Variants in IMPDH2 observed in about 807,000 individuals in gnomAD.
IMPDH2 encodes inosine monophosphate dehydrogenase 2, also known as inosine-5'-monophosphate dehydrogenase 2.
In IMPDH2, 33 loss-of-function variants were observed where a neutral mutation model predicts 57.8. The observed-to-expected ratio is 0.57, with a 90% confidence interval of 0.43 to 0.76. The LOEUF (loss-of-function observed/expected upper bound fraction) is 0.76. Among genes scored for constraint, IMPDH2 ranks in the 30% least tolerant of loss-of-function variants. IMPDH2 has a pLI of 0.00. For missense variants in IMPDH2, 446 were observed against 659.1 expected (o/e 0.68, Z 3.54); for synonymous variants, 270 against 241.3 (o/e 1.12, Z -1.10).
At chr3:49,025,546 C>T (rs1559915455) in intron 9 of IMPDH2, 8 of 458,208 alleles carry the variant, frequency 1.7e-5, no homozygotes, top group Admixed American at 1.0e-4. Context: ...GGAAAGCCCC[C>T]GTCCAGCTGG....
chr3:49,027,430 GACAACACAGGA>G (rs2093204293), intron 5 of IMPDH2, among the ~76,000 whole-genome samples: 1 of 152,172 alleles, frequency 6.6e-6, no homozygotes, highest in Non-Finnish European at 1.5e-5. Context: ...GAATAAGGAG[GACAACACAGGA>G]ACAATGGCAA....
Position 49,026,966 on chromosome 3 carries a change from T to G in IMPDH2, c.613A>C (p.Lys205Gln). The change falls in exon 6 of 14, where the codon AAG becomes CAG. Residue 205 changes from lysine (K) to glutamine (Q), a missense_variant. Coordinates refer to ENST00000326739, the MANE Select transcript of IMPDH2 (RefSeq NM_000884.3). ...TCCCAGCTCTAGGACTTACCCTTCT[T>G]GCTGCGCTGCAGAATTTCATTTGCC... ...KEANEILQRS[K>Q]KGKLPIVNED... The G allele has an allele frequency of 6.2e-7, 1 of 1,614,040 alleles. No individual in the cohort carries two copies. Among genetic ancestry groups the G allele is most frequent in the Non-Finnish European group, 8.5e-7 (1 of 1,179,912 alleles).
At chr3:49,028,612 C>G in intron 2 of IMPDH2, 80 bp from the exon 3 acceptor site, 1 of 1,340,708 alleles carries the variant, frequency 7.5e-7, no homozygotes, top group Non-Finnish European at 1.1e-6. Context: ...CAAAAAGGCA[C>G]TTTTGTATGA....
At position 49,026,332 on chromosome 3, in the gene IMPDH2, G is replaced by A. The variant is rs1489042065; in HGVS notation, c.998C>T (p.Thr333Met). 18 of 1,607,324 alleles carry A rather than the reference G, an allele frequency of 1.1e-5. No individual in the cohort carries two copies. Among genetic ancestry groups the A allele is most frequent in the African/African-American group, 2.7e-5 (2 of 74,800 alleles). Residue 333 changes from threonine (T) to methionine (M), a missense_variant, in exon 9 of 14, where the codon ACG becomes ATG. Physicochemically the swap from Thr to Met is moderately conservative, Grantham distance 81. Coordinates refer to ENST00000326739, the MANE Select transcript of IMPDH2 (RefSeq NM_000884.3). ...VGMGSGSICI[T>M]QEVLACGRPQ... is the part of the protein sequence containing the mutation. Reference sequence around the variant, plus strand: ...TCAAAGTATATTCTTACCTTCCTGCGTAATGCAGATGGAGCCACTTCCCAT... The same window carrying A: ...TCAAAGTATATTCTTACCTTCCTGCATAATGCAGATGGAGCCACTTCCCAT...
At position 49,026,331 on chromosome 3, in the gene IMPDH2, C is replaced by T. The variant is rs72624913; in HGVS notation, c.999G>A (p.Thr333=). Residue 333 remains threonine, a synonymous_variant, in exon 9 of 14, where the codon ACG becomes ACA. Coordinates refer to ENST00000326739, the MANE Select transcript of IMPDH2 (RefSeq NM_000884.3). Reference sequence around the variant, plus strand: ...ATCAAAGTATATTCTTACCTTCCTGCGTAATGCAGATGGAGCCACTTCCCA... The same window carrying T: ...ATCAAAGTATATTCTTACCTTCCTGTGTAATGCAGATGGAGCCACTTCCCA... The part of the protein sequence containing the change: ...VGMGSGSICI[T]QEVLACGRPQ... 44 of 1,606,504 alleles carry T rather than the reference C, an allele frequency of 2.7e-5. No individual in the cohort carries two copies. The highest frequency in any genetic ancestry group is 1.5e-4 in the African/African-American group (11 of 74,922).
rs769630682 is a variant in IMPDH2 at position 49,028,329 on chromosome 3, G to C, written c.250-7C>G. 2 of 1,613,446 alleles carry C rather than the reference G, an allele frequency of 1.2e-6. No homozygotes were observed. Among genetic ancestry groups the C allele is most frequent in the Non-Finnish European group, 1.7e-6 (2 of 1,179,484 alleles). On this transcript the variant is annotated splice_region_variant and splice_polypyrimidine_tract_variant and intron_variant, in intron 3 of 13. Transcript: ENST00000326739. ...AGCCAATACCGCCTGTAAGCTACAG[G>C]ATAAAAAGAGACTACTACTAAGTGA...
rs745780032 is a variant in IMPDH2, at chr3:49,028,557, G to A, written c.148-25C>T. ...CCTGAGGAGACAAACGTCAACCAGTGTGGGAAAGCATCCCTTACACCTCAA... is the reference window on the plus strand; with the variant it reads ...CCTGAGGAGACAAACGTCAACCAGTATGGGAAAGCATCCCTTACACCTCAA... On this transcript the variant is annotated intron_variant, in intron 2 of 13. Transcript: ENST00000326739. 7.6e-6 allele frequency: 12 copies of A among 1,579,272 alleles called. No individual in the cohort carries two copies. In the East Asian group the frequency reaches 1.1e-4, roughly 15 times the overall value.
Position 49,026,976 on chromosome 3 carries a change from C to T in IMPDH2, c.603G>A (p.Leu201=). The T allele has an allele frequency of 6.2e-7, 1 of 1,614,156 alleles. No homozygotes were observed. The highest frequency in any genetic ancestry group is 8.5e-7 in the Non-Finnish European group (1 of 1,179,978). ...GITLKEANEI[L]QRSKKGKLPI... is the part of the protein sequence containing the mutation. ...AGGACTTACCCTTCTTGCTGCGCTG[C>T]AGAATTTCATTTGCCTCCTTCAGTG... is the stretch of plus-strand genomic sequence containing the variant. The change falls in exon 6 of 14, where the codon CTG becomes CTA. Residue 201 remains leucine (L), a synonymous_variant. Coordinates refer to ENST00000326739, the MANE Select transcript of IMPDH2 (RefSeq NM_000884.3).
chr3:49,028,995 A>C, intron 1 of IMPDH2, 189 bp from the exon 2 acceptor site: 1 of 656,200 alleles, frequency 1.5e-6, no homozygotes, highest in Admixed American at 2.2e-5. Context: ...AGCTGTCATC[A>C]GTGCTCCTGG....
chr3:49,026,248 A>AT, intron 9 of IMPDH2, 76 bp downstream of exon 9: 1 of 1,124,376 alleles, frequency 8.9e-7, no homozygotes, highest in Admixed American at 2.0e-5. Flanking sequence ...TATTGTCCCC[A>AT]TAAGAGTGCT....
intron 10 of IMPDH2, 31 bp from the exon 11 acceptor site, chr3:49,025,071 C>T: frequency 6.2e-7 from 1 of 1,614,188 alleles, no homozygotes; most frequent in Admixed American, 1.7e-5. Context: ...TGGGTTAGAG[C>T]CTAAGCAGCA....
At chr3:49,026,287 T>G in intron 9 of IMPDH2, 37 bp downstream of exon 9, 1 of 1,422,158 alleles carries the variant, frequency 7.0e-7, no homozygotes, top group Non-Finnish European at 9.8e-7. Context: ...GGCCTGAAAC[T>G]GGGGTCTCTG....
chr3:49,025,051 A>G lies in IMPDH2; in HGVS notation c.1151-11T>C, dbSNP rs777645255. Reference sequence around the variant, plus strand: ...GAGAGCCCATCATGACTGCGGACAGATGGAGTGCTTGGGTTAGAGCCTAAG... The same window carrying G: ...GAGAGCCCATCATGACTGCGGACAGGTGGAGTGCTTGGGTTAGAGCCTAAG... On this transcript the variant is annotated splice_polypyrimidine_tract_variant and intron_variant, in intron 10 of 13. Transcript: ENST00000326739. 2 of 1,614,222 alleles carry G rather than the reference A, an allele frequency of 1.2e-6. No individual in the cohort carries two copies. The highest frequency in any genetic ancestry group is 1.7e-6 in the Non-Finnish European group (2 of 1,180,050).
At position 49,025,284 on chromosome 3, in the gene IMPDH2, G is replaced by A. The variant is rs2093193316; in HGVS notation, c.1007-15C>T. The A allele has an allele frequency of 6.2e-6, 10 of 1,614,158 alleles. No homozygotes were observed. Among genetic ancestry groups the A allele is most frequent in the Non-Finnish European group, 7.6e-6 (9 of 1,179,988 alleles). On this transcript the variant is annotated splice_polypyrimidine_tract_variant and intron_variant, in intron 9 of 13. Coordinates refer to ENST00000326739, the MANE Select transcript of IMPDH2 (RefSeq NM_000884.3). ...ACAGGCCAGCACTGTTGAGATGGAG[G>A]AACACATGGGTGGATAGGGTTAATG...
rs749965056 is a variant in IMPDH2, at chr3:49,027,801, G to A, written c.440C>T (p.Thr147Ile). The A allele has an allele frequency of 1.9e-5, 30 of 1,614,068 alleles. No individual in the cohort carries two copies. The highest frequency in any genetic ancestry group is 2.4e-5 in the Non-Finnish European group (28 of 1,180,034). ...HGFCGIPITD[T>I]GRMGSRLVGI... Reference sequence around the variant, plus strand: ...CACCAAGCGGCTCCCCATCCGGCCTGTGTCTGTGATTGGGATACCGCAGAA... The same window carrying A: ...CACCAAGCGGCTCCCCATCCGGCCTATGTCTGTGATTGGGATACCGCAGAA... The change falls in exon 5 of 14, where the codon ACA (threonine) becomes ATA (isoleucine). Residue 147 changes from threonine (T) to isoleucine (I), a missense_variant. Thr to Ile is a moderately conservative substitution (Grantham distance 89). Coordinates refer to ENST00000326739, the MANE Select transcript of IMPDH2 (RefSeq NM_000884.3).
chr3:49,025,093 G>A (rs2093192325), intron 10 of IMPDH2, 33 bp downstream of exon 10: 2 of 1,614,220 alleles, frequency 1.2e-6, no homozygotes, highest in Non-Finnish European at 1.7e-6. Context: ...TAGGGAGGGG[G>A]TCCCACTGGC....
Position 49,024,366 on chromosome 3 carries a change from G to T in IMPDH2, c.*17C>A, listed in dbSNP as rs374439774. On this transcript the variant is annotated 3_prime_UTR_variant, in exon 14 of 14. Coordinates refer to ENST00000326739, the MANE Select transcript of IMPDH2 (RefSeq NM_000884.3). The stretch of plus-strand genomic sequence containing the variant: ...TTTTATTGAAAAAAAAACCGAGGAG[G>T]TGTGCTGGATCCCTTTTCAGAAAAG... The T allele has an allele frequency of 1.2e-6, 2 of 1,613,902 alleles. No individual in the cohort carries two copies. Among genetic ancestry groups the T allele is most frequent in the African/African-American group, 1.3e-5 (1 of 74,902 alleles).
intron 2 of IMPDH2, 65 bp downstream of exon 2, chr3:49,028,693 G>T: frequency 6.9e-7 from 1 of 1,448,378 alleles, no homozygotes; most frequent in Non-Finnish European, 9.7e-7. Context: ...TTAGCCCAGA[G>T]ACCAGGTGAT....
intron 2 of IMPDH2, 57 bp downstream of exon 2, chr3:49,028,701 G>GA: frequency 8.1e-6 from 12 of 1,486,784 alleles, no homozygotes; most frequent in Non-Finnish European, 1.1e-5. Flanking sequence ...GAGACCAGGT[G>GA]ATAGTAGCAC....
Sources: gnomAD v4.1 joint callset for allele counts (sites outside exome capture counted in the v4.1 genomes callset) on GRCh38, gnomAD v4.1.1 for gene constraint, MANE v1.5 for transcripts, NCBI Gene and HGNC (gene_info 2026-07-23, HGNC 2026-07-21) for gene names.